The following MAGI2 variants were observed in gnomAD, a reference collection of about 807,000 sequenced individuals.
MAGI2 encodes membrane associated guanylate kinase, WW and PDZ domain containing 2, also known as membrane-associated guanylate kinase, WW and PDZ domain-containing protein 2.
Under a neutral mutation model 133.3 loss-of-function variants are expected in MAGI2, and 35 were observed. The observed-to-expected ratio is 0.26, with a 90% CI of 0.20 to 0.35. The LOEUF is 0.35. Ranked by LOEUF, MAGI2 falls within the 10% of genes least tolerant of loss-of-function variation. The pLI, the probability that MAGI2 is intolerant of heterozygous loss-of-function variation, is 1.00. For synonymous variants in MAGI2, 729 were observed against 710.6 expected (o/e 1.03, Z -0.41); for missense variants, 1,636 against 1,863.4 (o/e 0.88, Z 2.25).
At chr7:78,602,524 T>C (rs1584800984) in intron 3 of MAGI2, among the ~76,000 whole-genome samples, 1 of 151,974 alleles carries the variant, frequency 6.6e-6, no homozygotes, top group Middle Eastern at 3.4e-3. Context: ...GCCAATTCCT[T>C]GAGAATATTT....
At chr7:78,466,379 G>A (rs1790636748) in intron 6 of MAGI2, among the ~76,000 whole-genome samples, 1 of 152,204 alleles carries the variant, frequency 6.6e-6, no homozygotes, top group Non-Finnish European at 1.5e-5. Flanking sequence ...GTGAACACAA[G>A]CTGGGAATGC....
intron 7 of MAGI2, among the ~76,000 whole-genome samples, chr7:78,367,191 A>G (rs1793468650): frequency 6.6e-6 from 1 of 151,956 alleles, no homozygotes; most frequent in Admixed American, 6.6e-5. Flanking sequence ...CAATTTCATA[A>G]TTAGTTATAA....
chr7:78,468,693 A>G (rs910103700), intron 6 of MAGI2, among the ~76,000 whole-genome samples: 1 of 152,184 alleles, frequency 6.6e-6, no homozygotes, highest in African/African-American at 2.4e-5. Context: ...CCATGGAAAT[A>G]TATAGCTACT....
At chr7:78,800,882 C>G (rs920958416) in intron 2 of MAGI2, among the ~76,000 whole-genome samples, 1 of 152,012 alleles carries the variant, frequency 6.6e-6, no homozygotes, top group African/African-American at 2.4e-5. Flanking sequence ...GGAAATTGAA[C>G]TTACCTGACC....
At chr7:78,806,209 T>C (rs1028093632) in intron 2 of MAGI2, among the ~76,000 whole-genome samples, 8 of 152,100 alleles carry the variant, frequency 5.3e-5, no homozygotes, top group African/African-American at 1.9e-4. Flanking sequence ...TAAAGCAGGT[T>C]ATATGAATTT....
At chr7:79,214,443 A>G (rs1342158762) in intron 1 of MAGI2, among the ~76,000 whole-genome samples, 10 of 107,994 alleles carry the variant, frequency 9.3e-5, no homozygotes, top group Non-Finnish European at 1.8e-4. Flanking sequence ...ATATATATAT[A>G]AATATGCACA....
chr7:78,301,094 A>G (rs1797780541), intron 9 of MAGI2, among the ~76,000 whole-genome samples: 1 of 152,174 alleles, frequency 6.6e-6, no homozygotes, highest in African/African-American at 2.4e-5. Context: ...GTCAAACCCA[A>G]TCACTGTCAT....
chr7:78,383,896 C>T (rs1005269), intron 6 of MAGI2, among the ~76,000 whole-genome samples: 82,031 of 151,910 alleles, frequency 0.54, 23,088 homozygotes, highest in Middle Eastern at 0.66. Context: ...TGAATATCAG[C>T]TAGCTGTAAA....
chr7:78,460,259 A>G (rs1488181244), intron 6 of MAGI2, among the ~76,000 whole-genome samples: 1 of 152,244 alleles, frequency 6.6e-6, no homozygotes, highest in African/African-American at 2.4e-5. Flanking sequence ...GCGCGAATCA[A>G]TGTAGTGAGG....
intron 3 of MAGI2, among the ~76,000 whole-genome samples, chr7:78,568,536 C>T (rs945723721): frequency 6.6e-6 from 1 of 152,114 alleles, no homozygotes; most frequent in Non-Finnish European, 1.5e-5. Context: ...TTTTCTTTTG[C>T]TTACACCTCT....
intron 9 of MAGI2, among the ~76,000 whole-genome samples, chr7:78,276,681 T>TAC (rs970805139): frequency 9.2e-5 from 14 of 152,174 alleles, no homozygotes; most frequent in Admixed American, 4.6e-4. Flanking sequence ...AGTTATGAGT[T>TAC]ACCTTACATA....
intron 1 of MAGI2, among the ~76,000 whole-genome samples, chr7:79,066,921 A>T (rs1331606032): frequency 6.6e-6 from 1 of 151,908 alleles, no homozygotes; most frequent in Non-Finnish European, 1.5e-5. Context: ...ATGGTTGTAG[A>T]TGTGTGGTGT....
chr7:78,848,705 C>A (rs10226407), intron 2 of MAGI2, among the ~76,000 whole-genome samples: 2,473 of 152,080 alleles, frequency 0.016, 66 homozygotes, highest in African/African-American at 0.056. Flanking sequence ...GACTTCTCTG[C>A]CTGCTGTTTC....
chr7:78,482,878 TACACACACACACACACACAC>T (rs3086358), intron 6 of MAGI2, among the ~76,000 whole-genome samples: 4 of 89,950 alleles, frequency 4.4e-5, no homozygotes, highest in African/African-American at 8.0e-5. Flanking sequence ...CACATGGAAC[TACACACACACACACACACAC>T]ACACACACAC....
At chr7:78,573,622 T>C (rs1028537269) in intron 3 of MAGI2, among the ~76,000 whole-genome samples, 3 of 151,014 alleles carry the variant, frequency 2.0e-5, no homozygotes, top group African/African-American at 4.9e-5. Context: ...ATTTACCTTT[T>C]AGGTTTTGTC....
intron 1 of MAGI2, among the ~76,000 whole-genome samples, chr7:79,243,160 A>C (rs1832554040): frequency 6.6e-6 from 1 of 152,172 alleles, no homozygotes; most frequent in African/African-American, 2.4e-5. Flanking sequence ...CAAATAAAAA[A>C]ATGATAAAAT....
chr7:78,573,321 A>ATTTATATAT (rs1801884342), intron 3 of MAGI2, among the ~76,000 whole-genome samples: 4 of 51,436 alleles, frequency 7.8e-5, no homozygotes, highest in African/African-American at 3.9e-4. Flanking sequence ...TAAATATATA[A>ATTTATATAT]ATATATATAT....
At chr7:78,523,339 A>C (rs932697524) in intron 3 of MAGI2, among the ~76,000 whole-genome samples, 1 of 151,948 alleles carries the variant, frequency 6.6e-6, no homozygotes, top group Non-Finnish European at 1.5e-5. Context: ...TAGTTGAGAG[A>C]TAATTGCCCG....
intron 1 of MAGI2, among the ~76,000 whole-genome samples, chr7:79,118,480 A>G (rs1182672082): frequency 6.6e-6 from 1 of 152,166 alleles, no homozygotes; most frequent in East Asian, 1.9e-4. Context: ...AAAGCTAGAC[A>G]TTATTTTAAC....
Sources: allele counts gnomAD v4.1 joint callset (sites outside exome capture counted in the v4.1 genomes callset), GRCh38; gene constraint gnomAD v4.1.1; transcripts MANE v1.5; gene names NCBI Gene and HGNC (gene_info 2026-07-23, HGNC 2026-07-21).